Variants in CCDC171 observed in about 807,000 individuals in gnomAD.
CCDC171 encodes the protein coiled-coil domain-containing protein 171.
CCDC171 carries 177 observed loss-of-function variants against 168.2 expected under a neutral mutation model. The ratio of observed to expected loss-of-function variants is 1.05; its 90% CI spans 0.93 to 1.19. The LOEUF is 1.19. CCDC171 is among the 50% of genes most tolerant of loss of function. The pLI is 0.00. For missense variants in CCDC171, 1,991 were observed against 1,539.0 expected, an observed-to-expected ratio of 1.29 and a Z score of -4.91; for synonymous variants, 687 against 540.8, an observed-to-expected ratio of 1.27 and a Z score of -3.75.
chr9:15,677,761 CTA>C (rs1261237145), intron 9 of CCDC171, among the ~76,000 whole-genome samples: 13 of 140,796 alleles, frequency 9.2e-5, no homozygotes, highest in South Asian at 2.3e-4. Flanking sequence ...ATTTATATAC[CTA>C]TATGTGTGTG....
At chr9:15,646,226 T>G (rs919292010) in intron 7 of CCDC171, among the ~76,000 whole-genome samples, 3 of 152,100 alleles carry the variant, frequency 2.0e-5, no homozygotes, top group Non-Finnish European at 4.4e-5. Flanking sequence ...CAGGCCTGCC[T>G]TACAAGAGCT....
intron 7 of CCDC171, among the ~76,000 whole-genome samples, chr9:15,631,821 C>T (rs1049840977): frequency 6.6e-6 from 1 of 152,188 alleles, no homozygotes; most frequent in Admixed American, 6.5e-5. Flanking sequence ...GCTTATCCAC[C>T]ATGATCAAGT....
chr9:16,002,264 T>C (rs910279881), intron 3 of CCDC171, among the ~76,000 whole-genome samples: 1 of 151,576 alleles, frequency 6.6e-6, no homozygotes, highest in African/African-American at 2.4e-5. Context: ...ATTGTTATCA[T>C]AGGAGATGAC....
intron 16 of CCDC171, among the ~76,000 whole-genome samples, chr9:15,730,921 G>T (rs781367233): frequency 6.6e-6 from 1 of 151,862 alleles, no homozygotes; most frequent in Non-Finnish European, 1.5e-5. Context: ...TGTATAATTT[G>T]ATGTTTTTAA....
At chr9:15,613,649 A>C (rs188013441) in intron 6 of CCDC171, among the ~76,000 whole-genome samples, 1 of 151,860 alleles carries the variant, frequency 6.6e-6, no homozygotes, top group African/African-American at 2.4e-5. Flanking sequence ...CAGCCTCCCA[A>C]GTAGCTGGGA....
chr9:15,623,465 G>GCGCGCT, intron 7 of CCDC171, 52 bp downstream of exon 7: 2 of 552,340 alleles, frequency 3.6e-6, no homozygotes, highest in Non-Finnish European at 5.3e-6. Flanking sequence ...TTTCACATAT[G>GCGCGCT]CGCGCGCGCG....
chr9:15,751,544 A>G (rs2055744297), intron 18 of CCDC171, among the ~76,000 whole-genome samples: 1 of 152,178 alleles, frequency 6.6e-6, no homozygotes, highest in South Asian at 2.1e-4. Flanking sequence ...ACAGCATGGT[A>G]CTGGTACCAA....
intron 7 of CCDC171, among the ~76,000 whole-genome samples, chr9:15,623,770 T>C (rs1215738853): frequency 6.6e-6 from 1 of 152,194 alleles, no homozygotes; most frequent in Non-Finnish European, 1.5e-5. Context: ...TGTACATAGG[T>C]TCTAAATCAT....
chr9:15,811,416 T>C (rs2135964763), intron 21 of CCDC171, among the ~76,000 whole-genome samples: 1 of 152,288 alleles, frequency 6.6e-6, no homozygotes, highest in South Asian at 2.1e-4. Context: ...TTTTTTTTCT[T>C]TTTTTCCCCA....
At chr9:15,864,216 A>C (rs2061674967) in intron 23 of CCDC171, among the ~76,000 whole-genome samples, 1 of 151,746 alleles carries the variant, frequency 6.6e-6, no homozygotes, top group Admixed American at 6.6e-5. Context: ...TTAGTCCATC[A>C]TTTTTGCCAA....
the CCDC171 span, among the ~76,000 whole-genome samples, chr9:16,081,654 A>G: frequency 6.6e-6 from 1 of 152,140 alleles, no homozygotes; most frequent in East Asian, 1.9e-4. Context: ...ATGTGGGGTA[A>G]TACATTTTTT....
intron 12 of CCDC171, among the ~76,000 whole-genome samples, chr9:15,723,086 C>T (rs1340984689): frequency 6.6e-6 from 1 of 151,994 alleles, no homozygotes; most frequent in African/African-American, 2.4e-5. Flanking sequence ...AGTGGGGAGA[C>T]CAAGGGGGTG....
At chr9:15,988,399 A>G (rs138111084) in intron 3 of CCDC171, among the ~76,000 whole-genome samples, 2 of 152,298 alleles carry the variant, frequency 1.3e-5, no homozygotes, top group African/African-American at 4.8e-5. Context: ...TTGTCTCATT[A>G]TTAACAGTTT....
chr9:15,772,789 G>A (rs1176151702), intron 18 of CCDC171, among the ~76,000 whole-genome samples: 1 of 152,072 alleles, frequency 6.6e-6, no homozygotes, highest in East Asian at 1.9e-4. Flanking sequence ...TTGAAGAGCG[G>A]GAAGACTAGA....
chr9:15,892,436 C>T (rs1385775251), intron 24 of CCDC171, among the ~76,000 whole-genome samples: 1 of 152,062 alleles, frequency 6.6e-6, no homozygotes, highest in Non-Finnish European at 1.5e-5. Context: ...TATTGAAGGC[C>T]TTTTCTGCAT....
chr9:15,763,109 T>C (rs985559019), intron 18 of CCDC171, among the ~76,000 whole-genome samples: 14 of 152,300 alleles, frequency 9.2e-5, no homozygotes, highest in Admixed American at 2.0e-4. Flanking sequence ...GATTACAGTT[T>C]TATTATAACA....
chr9:15,634,271 A>G (rs56974853), intron 7 of CCDC171, among the ~76,000 whole-genome samples: 3,257 of 152,284 alleles, frequency 0.021, 121 homozygotes, highest in African/African-American at 0.074. Flanking sequence ...TATAATTTGA[A>G]TAATAAAAAA....
At chr9:15,883,738 G>A (rs1199783047) in intron 24 of CCDC171, among the ~76,000 whole-genome samples, 7 of 152,136 alleles carry the variant, frequency 4.6e-5, no homozygotes, top group African/African-American at 1.2e-4. Flanking sequence ...TATACCTTGC[G>A]GGAATGATCT....
chr9:15,592,246 T>C (rs911312425), intron 5 of CCDC171, among the ~76,000 whole-genome samples: 4 of 151,860 alleles, frequency 2.6e-5, no homozygotes, highest in Admixed American at 6.6e-5. Flanking sequence ...GGAAGATCAC[T>C]TGAGGCCAGG....
Sources: gnomAD v4.1 joint callset for allele counts (sites outside exome capture counted in the v4.1 genomes callset) on GRCh38, gnomAD v4.1.1 for gene constraint, MANE v1.5 for transcripts, NCBI Gene and HGNC (gene_info 2026-07-23, HGNC 2026-07-21) for gene names.